CHRNB4: variants seen among roughly 807,000 people sequenced by gnomAD.
CHRNB4 encodes the protein neuronal acetylcholine receptor subunit beta-4.
A neutral mutation model predicts 40.4 loss-of-function variants in CHRNB4; 23 were observed. The observed-to-expected ratio is 0.57, with a 90% confidence interval of 0.41 to 0.81. The LOEUF is 0.81. Among genes scored for constraint, CHRNB4 ranks in the 30% least tolerant of loss-of-function variants. The pLI, the probability that CHRNB4 is intolerant of heterozygous loss-of-function variation, is 0.00. For synonymous variants in CHRNB4, 285 were observed against 274.4 expected (o/e 1.04, Z -0.38); for missense variants, 568 against 670.6 (o/e 0.85, Z 1.69).
rs375417243 is a variant in CHRNB4, at chr15:78,629,079, G to A, written c.1226C>T (p.Pro409Leu). The A allele has an allele frequency of 2.5e-6, 4 of 1,614,076 alleles. No homozygotes were observed. In the African/African-American group the frequency reaches 5.3e-5, roughly 22 times the overall value. Reference protein sequence around the residue: ...SPAGSTPVAIPRDFWLRSSGR... With the variant: ...SPAGSTPVAILRDFWLRSSGR... ...AGAGGACCGCAGCCAGAAATCCCTGGGGATAGCCACCGGGGTAGAGCCGGC... is the reference window on the plus strand; with the variant it reads ...AGAGGACCGCAGCCAGAAATCCCTGAGGATAGCCACCGGGGTAGAGCCGGC... The change falls in exon 5 of 6, where the codon CCC becomes CTC. Residue 409 changes from proline (P) to leucine (L), a missense_variant. Around this residue, in one of 4 missense-constraint regions of CHRNB4, gnomAD observed 242 missense variants for 274.9 expected, o/e 0.88. Coordinates refer to ENST00000261751, the MANE Select transcript of CHRNB4 (RefSeq NM_000750.5). The surrounding 1 kb of genome is among the most constrained non-coding windows in gnomAD (Gnocchi z 6.8).
At chr15:78,630,255 C>T (rs1004512249) in intron 4 of CHRNB4, among the ~76,000 whole-genome samples, 9 of 151,858 alleles carry the variant, frequency 5.9e-5, no homozygotes, top group Non-Finnish European at 1.0e-4. Flanking sequence ...TCTCCTGTCT[C>T]GGCCTCCCAA....
chr15:78,656,314 G>C (rs1223876399), exon 4 of CHRNB4: 1 of 132,646 alleles, frequency 7.5e-6, no homozygotes, highest in Non-Finnish European at 1.5e-5. Context: ...TCCAGCCTGG[G>C]CAAGAGAGTA....
intron 1 of CHRNB4, among the ~76,000 whole-genome samples, chr15:78,640,757 T>C (rs1428873753): frequency 1.3e-5 from 2 of 152,210 alleles, no homozygotes; most frequent in Admixed American, 6.5e-5. Flanking sequence ...CTGCTGGGGA[T>C]GACCCGCGGT....
At chr15:78,646,225 G>C (rs140500601), upstream of CHRNB4, among the ~76,000 whole-genome samples, 1 of 152,106 alleles carries the variant, frequency 6.6e-6, no homozygotes, top group Non-Finnish European at 1.5e-5. Flanking sequence ...CATGACACAC[G>C]GAAACTTGAA....
At chr15:78,645,688 T>TA (rs1057017228), upstream of CHRNB4, among the ~76,000 whole-genome samples, 1 of 151,892 alleles carries the variant, frequency 6.6e-6, no homozygotes, top group African/African-American at 2.4e-5. Context: ...AATCATCTTC[T>TA]AAAAAAATGC....
intron 5 of CHRNB4, among the ~76,000 whole-genome samples, chr15:78,628,736 G>A (rs1362395287): frequency 1.3e-5 from 2 of 152,156 alleles, no homozygotes; most frequent in African/African-American, 2.4e-5. Flanking sequence ...CCATCTTGGC[G>A]TTTGCTTCTG....
chr15:78,638,720 G>A (rs1423393200), intron 1 of CHRNB4, among the ~76,000 whole-genome samples: 2 of 152,202 alleles, frequency 1.3e-5, no homozygotes, highest in Non-Finnish European at 2.9e-5. Context: ...GGGCGACGGA[G>A]CCCAGCCCAG....
chr15:78,641,405 A>C (rs2054073329), upstream of CHRNB4, among the ~76,000 whole-genome samples: 2 of 152,132 alleles, frequency 1.3e-5, no homozygotes, highest in African/African-American at 4.8e-5. Flanking sequence ...TCCCCCAAGG[A>C]AGGCAGGCAG....
At chr15:78,656,864 T>C (rs1357601786) in intron 3 of CHRNB4, among the ~76,000 whole-genome samples, 1 of 152,168 alleles carries the variant, frequency 6.6e-6, no homozygotes, top group East Asian at 1.9e-4. Context: ...TGGGCCCTCT[T>C]ATTCTACATT....
At position 78,624,805 on chromosome 15, in the gene CHRNB4, A is replaced by C. The variant is rs2053612667; in HGVS notation, c.*328T>G. 1.2e-5 allele frequency: 7 copies of C among 592,882 alleles called. No homozygotes were observed. The highest frequency in any genetic ancestry group is 5.5e-5 in the African/African-American group (3 of 54,086). 36.7% of individuals were successfully genotyped at this position (592,882 alleles called of 1,614,324 possible). A position where few individuals can be genotyped will look rare whatever the true frequency, so the allele number is the denominator to read the frequency against. ...GAAGTGGAGAGAGATGGTGATGGAG[A>C]GGCAGGCCGGCACCATGCCTGAAGC... is the stretch of plus-strand genomic sequence containing the variant. On this transcript the variant is annotated 3_prime_UTR_variant, in exon 6 of 6. Transcript: ENST00000261751.
chr15:78,625,381 T>A (rs2053628819), intron 5 of CHRNB4, 90 bp from the exon 6 acceptor site: 1 of 1,256,536 alleles, frequency 8.0e-7, no homozygotes, highest in Non-Finnish European at 1.1e-6. Flanking sequence ...GGCCAGGGAC[T>A]CCACAGGCCA....
chr15:78,629,700 T>TC lies in CHRNB4; in HGVS notation c.604dup (p.Asp202GlyfsTer240). ...CCTTCTCCCTGGGAGGGCCACTATG[T>TC]CCCACTCACCACTGGGAGTAAAGTC... On this transcript the variant is annotated frameshift_variant, in exon 5 of 6. Transcript: ENST00000261751. LOFTEE classifies it high-confidence loss of function. The surrounding 1 kb of genome is among the most constrained non-coding windows in gnomAD (Gnocchi z 6.8). 1.2e-6 allele frequency: 2 copies of TC among 1,614,154 alleles called. No homozygotes were observed.
chr15:78,643,945 C>T (rs568839304), upstream of CHRNB4, among the ~76,000 whole-genome samples: 8 of 147,362 alleles, frequency 5.4e-5, no homozygotes, highest in East Asian at 2.0e-4. Flanking sequence ...GTCAGGAGAT[C>T]GAGACCATCC....
chr15:78,629,807 G>T lies in CHRNB4; in HGVS notation c.498C>A (p.Asn166Lys), dbSNP rs148540431. The change falls in exon 5 of 6, where the codon AAC (asparagine) becomes AAA (lysine). Residue 166 changes from asparagine (N) to lysine (K), a missense_variant. Around this residue, in one of 4 missense-constraint regions of CHRNB4, gnomAD observed 127 missense variants for 167.4 expected, o/e 0.76. Transcript: ENST00000261751. The surrounding 1 kb of genome is among the most constrained non-coding windows in gnomAD (Gnocchi z 6.8). Reference protein sequence around the residue: ...EVKYFPFDQQNCTLKFRSWTY... With the variant: ...EVKYFPFDQQKCTLKFRSWTY... The stretch of plus-strand genomic sequence containing the variant: ...TCCAGGAGCGGAACTTGAGGGTGCA[G>T]TTCTGCTGGTCGAAGGGAAAGTACT... The T allele has an allele frequency of 6.2e-7, 1 of 1,614,180 alleles. No individual in the cohort carries two copies. The highest frequency in any genetic ancestry group is 1.6e-4 in the Middle Eastern group (1 of 6,062).
chr15:78,644,399 G>A (rs1024763824), upstream of CHRNB4, among the ~76,000 whole-genome samples: 1 of 149,942 alleles, frequency 6.7e-6, no homozygotes, highest in Non-Finnish European at 1.5e-5. Flanking sequence ...GGCTTGTGTG[G>A]GGGGTTTATC....
At chr15:78,644,422 T>C (rs980618953), upstream of CHRNB4, among the ~76,000 whole-genome samples, 1 of 151,918 alleles carries the variant, frequency 6.6e-6, no homozygotes, top group African/African-American at 2.4e-5. Flanking sequence ...TTCCTTCTGC[T>C]GCATGAGAAC....
rs545267102 is a variant in CHRNB4 at position 78,640,330 on chromosome 15, A to G, written c.55+749T>C. ...GAGGCCCTGAGAAGGCAGTCCTCACATTTGCATTCTACCTGGAGAAGGGCT... is the reference window on the plus strand; with the variant it reads ...GAGGCCCTGAGAAGGCAGTCCTCACGTTTGCATTCTACCTGGAGAAGGGCT... On this transcript the variant is annotated intron_variant, in intron 1 of 5. Transcript: ENST00000261751. Among the ~76,000 whole-genome samples, 5 of 152,286 alleles carry G rather than the reference A, an allele frequency of 3.3e-5. No homozygotes were observed. In the East Asian group the frequency reaches 9.7e-4, roughly 29 times the overall value.
upstream of CHRNB4, chr15:78,661,007 CA>C: frequency 1.9e-6 from 1 of 516,002 alleles, no homozygotes; most frequent in Non-Finnish European, 3.7e-6. Flanking sequence ...TCTCTTCTTC[CA>C]AAATCTTTTT....
intron 5 of CHRNB4, chr15:78,626,917 G>A (rs1386414606): frequency 6.6e-6 from 1 of 152,322 alleles, no homozygotes; most frequent in Non-Finnish European, 1.5e-5. Context: ...CAAGGGGGTG[G>A]TGAGGTCTTC....
Sources: allele counts gnomAD v4.1 joint callset (sites outside exome capture counted in the v4.1 genomes callset), GRCh38; gene constraint gnomAD v4.1.1; regional missense constraint gnomAD v4.1.1; non-coding constraint Gnocchi (gnomAD v3.1); transcripts MANE v1.5; gene names NCBI Gene and HGNC (gene_info 2026-07-23, HGNC 2026-07-21).